RGS6: variants seen among roughly 807,000 people sequenced by gnomAD.
The protein encoded by RGS6 is regulator of G-protein signaling 6.
Under a neutral mutation model 78.5 loss-of-function variants are expected in RGS6, and 30 were observed. The observed-to-expected ratio is 0.38, with a 90% CI of 0.29 to 0.52. The LOEUF (loss-of-function observed/expected upper bound fraction) is 0.52. Among genes scored for constraint, RGS6 ranks in the 20% least tolerant of loss-of-function variants. The probability of loss-of-function intolerance (pLI) is 0.85; values close to 1 mark genes in which losing one functional copy is unlikely to be tolerated. For missense variants in RGS6, 495 were observed against 609.7 expected (o/e 0.81, Z 1.98); for synonymous variants, 206 against 206.0 (o/e 1.00, Z 0.00).
intron 15 of RGS6, among the ~76,000 whole-genome samples, chr14:72,534,333 AC>A (rs1567071367): frequency 6.6e-6 from 1 of 152,234 alleles, no homozygotes; most frequent in Non-Finnish European, 1.5e-5. Context: ...TGTAAACATA[AC>A]TTTTATGTGT....
chr14:72,538,437 A>C (rs1303980631), intron 16 of RGS6, among the ~76,000 whole-genome samples: 1 of 152,186 alleles, frequency 6.6e-6, no homozygotes, highest in Non-Finnish European at 1.5e-5. Context: ...GGGGTAGGTG[A>C]GCTGAGTCCT....
intron 2 of RGS6, among the ~76,000 whole-genome samples, chr14:72,042,232 A>G (rs2092477951): frequency 6.6e-6 from 1 of 151,492 alleles, no homozygotes; most frequent in East Asian, 1.9e-4. Context: ...GGTTCAAGCA[A>G]TTCTCCTGCC....
intron 1 of RGS6, among the ~76,000 whole-genome samples, chr14:71,955,375 G>A (rs950214435): frequency 6.6e-6 from 1 of 152,148 alleles, no homozygotes; most frequent in African/African-American, 2.4e-5. Context: ...CCAAGAGAGG[G>A]TTCTTGGATC....
At chr14:72,047,726 T>C (rs145116360) in intron 2 of RGS6, among the ~76,000 whole-genome samples, 7 of 148,682 alleles carry the variant, frequency 4.7e-5, no homozygotes, top group Non-Finnish European at 7.7e-5. Flanking sequence ...ACAAACTTCA[T>C]TTCTTTTTCT....
chr14:72,190,907 A>G (rs1229935926), intron 2 of RGS6, among the ~76,000 whole-genome samples: 1 of 152,162 alleles, frequency 6.6e-6, no homozygotes. Context: ...AGGCTGTCCC[A>G]TCTAGTAAAT....
At chr14:72,624,582 G>A in the RGS6 span, among the ~76,000 whole-genome samples, 8 of 151,966 alleles carry the variant, frequency 5.3e-5, no homozygotes, top group African/African-American at 7.2e-5. Context: ...CAGGTAATCC[G>A]CCCGCCTCAG....
At chr14:72,512,482 C>T (rs8013020) in intron 14 of RGS6, among the ~76,000 whole-genome samples, 22,794 of 152,266 alleles carry the variant, frequency 0.15, 2,240 homozygotes, top group Middle Eastern at 0.33. Context: ...CAGCTCCTTT[C>T]CCCATGCCAG....
At chr14:72,196,085 G>T (rs570146612) in intron 2 of RGS6, among the ~76,000 whole-genome samples, 1 of 152,144 alleles carries the variant, frequency 6.6e-6, no homozygotes, top group Admixed American at 6.5e-5. Context: ...TGAAATGGGG[G>T]AGGGGGAGAC....
At chr14:72,312,276 T>C (rs554220726) in intron 2 of RGS6, among the ~76,000 whole-genome samples, 1 of 151,212 alleles carries the variant, frequency 6.6e-6, no homozygotes, top group South Asian at 2.1e-4. Flanking sequence ...TGGCAAATAT[T>C]GCTCTGTAAC....
chr14:72,067,450 G>C (rs917688409), intron 2 of RGS6, among the ~76,000 whole-genome samples: 4 of 152,154 alleles, frequency 2.6e-5, no homozygotes, highest in African/African-American at 9.7e-5. Context: ...TGCACGTTCT[G>C]CACATGTATC....
At chr14:72,334,045 C>T (rs928519888) in intron 2 of RGS6, among the ~76,000 whole-genome samples, 3 of 152,232 alleles carry the variant, frequency 2.0e-5, no homozygotes, top group Non-Finnish European at 4.4e-5. Context: ...CCATCTCACC[C>T]ACAACCTCCC....
chr14:72,274,809 T>G (rs2060438431), intron 2 of RGS6, among the ~76,000 whole-genome samples: 1 of 152,206 alleles, frequency 6.6e-6, no homozygotes, highest in South Asian at 2.1e-4. Context: ...ACCTCACCCC[T>G]GCCAACTCAT....
the RGS6 span, chr14:72,619,879 T>C: frequency 5.9e-6 from 9 of 1,523,546 alleles, no homozygotes; most frequent in Non-Finnish European, 7.9e-6. Flanking sequence ...TTGCTGTTCT[T>C]ATTGTTGACT....
At chr14:72,090,686 C>T (rs1250983230) in intron 2 of RGS6, among the ~76,000 whole-genome samples, 1 of 152,136 alleles carries the variant, frequency 6.6e-6, no homozygotes, top group Middle Eastern at 3.2e-3. Context: ...TGTTCACATA[C>T]GGACAGTGAA....
chr14:72,027,238 T>A (rs918988632), intron 2 of RGS6, among the ~76,000 whole-genome samples: 19 of 148,894 alleles, frequency 1.3e-4, no homozygotes, highest in African/African-American at 2.8e-4. Flanking sequence ...AGAGAGAGTG[T>A]GTGTGTGTGC....
chr14:72,373,010 A>T (rs756169554), intron 3 of RGS6, among the ~76,000 whole-genome samples: 1 of 151,840 alleles, frequency 6.6e-6, no homozygotes, highest in Non-Finnish European at 1.5e-5. Flanking sequence ...TGACCTCCCC[A>T]CCCCCAGGAT....
intron 12 of RGS6, among the ~76,000 whole-genome samples, chr14:72,482,710 G>T (rs1271494992): frequency 6.6e-6 from 1 of 152,170 alleles, no homozygotes; most frequent in African/African-American, 2.4e-5. Flanking sequence ...TGGGGATAGT[G>T]GGATTCCAAG....
At chr14:72,601,384 C>T in the RGS6 span, among the ~76,000 whole-genome samples, 1 of 152,118 alleles carries the variant, frequency 6.6e-6, no homozygotes, top group Non-Finnish European at 1.5e-5. Context: ...TGCTCAGGAC[C>T]CTTCGTGGTG....
intron 1 of RGS6, among the ~76,000 whole-genome samples, chr14:71,936,030 A>ATATATATACATATATATATATATATG (rs781759305): frequency 0.023 from 3,039 of 133,188 alleles, 160 homozygotes; most frequent in East Asian, 0.14. Context: ...ATATATATAT[A>ATATATATACATATATATATATATATG]TATATATATA....
Sources: allele counts gnomAD v4.1 joint callset (sites outside exome capture counted in the v4.1 genomes callset), GRCh38; gene constraint gnomAD v4.1.1; transcripts MANE v1.5; gene names NCBI Gene and HGNC (gene_info 2026-07-23, HGNC 2026-07-21).